Variants in FAM107B observed in about 807,000 individuals in gnomAD.
FAM107B encodes family with sequence similarity 107 member B, also known as protein FAM107B.
FAM107B carries 21 observed loss-of-function variants against 31.5 expected under a neutral mutation model. That is an observed-to-expected ratio of 0.67 (90% CI 0.47 to 0.96). The LOEUF (loss-of-function observed/expected upper bound fraction) is 0.96. Among genes scored for constraint, FAM107B ranks in the 40% least tolerant of loss-of-function variants. The pLI, the probability that FAM107B is intolerant of heterozygous loss-of-function variation, is 0.00. For missense variants in FAM107B, 452 were observed against 377.1 expected (o/e 1.20, Z -1.64); for synonymous variants, 157 against 141.5 (o/e 1.11, Z -0.78).
chr10:14,706,071 T>C (rs12782386), intron 1 of FAM107B, among the ~76,000 whole-genome samples: 46,905 of 151,990 alleles, frequency 0.31, 7,482 homozygotes, highest in Middle Eastern at 0.45. Flanking sequence ...ACTACAACTC[T>C]GTTGAACAGA....
chr10:14,618,178 G>T (rs1225221488), intron 2 of FAM107B, among the ~76,000 whole-genome samples: 1 of 152,162 alleles, frequency 6.6e-6, no homozygotes, highest in Non-Finnish European at 1.5e-5. Context: ...GTCTCCTTCA[G>T]GGCTGCTTTC....
intron 1 of FAM107B, among the ~76,000 whole-genome samples, chr10:14,728,848 G>A (rs1039662407): frequency 1.3e-5 from 2 of 152,188 alleles, no homozygotes; most frequent in African/African-American, 4.8e-5. Context: ...TTTTTGACAA[G>A]AGTAGGCTTT....
intron 2 of FAM107B, among the ~76,000 whole-genome samples, chr10:14,562,347 T>G (rs771494163): frequency 5.9e-5 from 9 of 152,216 alleles, no homozygotes; most frequent in Admixed American, 1.3e-4. Context: ...TTCTAAACCC[T>G]GAGAGTCACT....
intron 1 of FAM107B, among the ~76,000 whole-genome samples, chr10:14,759,992 G>T (rs1190305350): frequency 6.6e-6 from 1 of 152,108 alleles, no homozygotes; most frequent in Non-Finnish European, 1.5e-5. Context: ...GATTACAGGC[G>T]TGAGCCACCG....
chr10:14,655,189 A>T (rs1193617668), intron 2 of FAM107B, among the ~76,000 whole-genome samples: 1 of 152,172 alleles, frequency 6.6e-6, no homozygotes, highest in Non-Finnish European at 1.5e-5. Context: ...CAATCCATCA[A>T]GATTGACACT....
chr10:14,703,171 C>G (rs938465453), intron 1 of FAM107B, among the ~76,000 whole-genome samples: 1 of 152,102 alleles, frequency 6.6e-6, no homozygotes, highest in African/African-American at 2.4e-5. Flanking sequence ...GTGGCTCTCC[C>G]CATGTGCGTG....
chr10:14,575,148 G>C (rs1038629704), intron 2 of FAM107B, among the ~76,000 whole-genome samples: 1 of 152,122 alleles, frequency 6.6e-6, no homozygotes, highest in Non-Finnish European at 1.5e-5. Flanking sequence ...AGAATTTCTA[G>C]TTTAAGTAGC....
At chr10:14,637,462 T>C (rs752111510) in intron 2 of FAM107B, among the ~76,000 whole-genome samples, 1 of 152,100 alleles carries the variant, frequency 6.6e-6, no homozygotes, top group Non-Finnish European at 1.5e-5. Context: ...TGGCAAAACT[T>C]ATCCCTACAA....
chr10:14,677,480 G>T (rs1854712767), intron 1 of FAM107B, among the ~76,000 whole-genome samples: 1 of 152,122 alleles, frequency 6.6e-6, no homozygotes, highest in Non-Finnish European at 1.5e-5. Context: ...AATTAGCCGG[G>T]CGTGGTGGTG....
At chr10:14,571,674 G>C (rs11259197) in intron 2 of FAM107B, 441,340 of 650,878 alleles carry the variant, frequency 0.68, 150,592 homozygotes, top group East Asian at 0.79. Flanking sequence ...GTCTGCTATT[G>C]TGTTAACAAG....
intron 2 of FAM107B, among the ~76,000 whole-genome samples, chr10:14,622,898 A>G (rs1464027590): frequency 6.6e-6 from 1 of 152,190 alleles, no homozygotes; most frequent in East Asian, 1.9e-4. Context: ...TTCCTGTAGA[A>G]ATCACCACAC....
At chr10:14,641,254 G>A (rs908422603) in intron 2 of FAM107B, among the ~76,000 whole-genome samples, 9 of 152,124 alleles carry the variant, frequency 5.9e-5, no homozygotes, top group South Asian at 2.1e-4. Context: ...ATTAAGTACC[G>A]ATTTTGACAG....
intron 2 of FAM107B, among the ~76,000 whole-genome samples, chr10:14,653,528 T>C (rs191420389): frequency 1.4e-4 from 22 of 152,308 alleles, no homozygotes; most frequent in African/African-American, 4.1e-4. Flanking sequence ...GAAAAGCCCA[T>C]GGTTCGGGAA....
chr10:14,626,217 T>G (rs1285323877), intron 2 of FAM107B, among the ~76,000 whole-genome samples: 2 of 152,078 alleles, frequency 1.3e-5, no homozygotes, highest in Non-Finnish European at 2.9e-5. Context: ...TACAGAGGAC[T>G]CTCTTCATAT....
intron 4 of FAM107B, 145 bp from the exon 5 acceptor site, chr10:14,521,451 G>C: frequency 1.4e-6 from 1 of 691,368 alleles, no homozygotes; most frequent in Non-Finnish European, 2.4e-6. Context: ...GAAATGGATG[G>C]ATAGAGTCTG....
chr10:14,632,373 A>G (rs1443401638), intron 2 of FAM107B, among the ~76,000 whole-genome samples: 10 of 148,604 alleles, frequency 6.7e-5, no homozygotes, highest in African/African-American at 2.5e-4. Flanking sequence ...GCACTTTGGG[A>G]GGCCAAGGTG....
intron 1 of FAM107B, among the ~76,000 whole-genome samples, chr10:14,765,478 C>T (rs999714173): frequency 1.3e-5 from 2 of 152,158 alleles, no homozygotes; most frequent in African/African-American, 4.8e-5. Context: ...AAATTCTTGA[C>T]TGGGTATATC....
At chr10:14,762,136 T>C (rs9988705) in intron 1 of FAM107B, among the ~76,000 whole-genome samples, 2 of 151,448 alleles carry the variant, frequency 1.3e-5, no homozygotes, top group African/African-American at 2.5e-5. Context: ...TCTGCCGCCA[T>C]CCCTAGATTG....
chr10:14,732,450 C>T lies in FAM107B; in HGVS notation c.411+41803G>A, dbSNP rs568882235. ...TACTAGAAGCCATTTCATTTCCTGGCTCCCCAGTAAGTGGCCTTATCTTCA... is the reference window on the plus strand; with the variant it reads ...TACTAGAAGCCATTTCATTTCCTGGTTCCCCAGTAAGTGGCCTTATCTTCA... On this transcript the variant is annotated intron_variant, in intron 1 of 4. Coordinates refer to ENST00000181796, the MANE Select transcript of FAM107B (RefSeq NM_031453.4). Among the ~76,000 whole-genome samples the T allele has an allele frequency of 8.5e-5, 13 of 152,296 alleles. No homozygotes were observed. The South Asian group carries it at 2.3e-3, about 27-fold the overall frequency.
Sources: allele counts gnomAD v4.1 joint callset (sites outside exome capture counted in the v4.1 genomes callset), GRCh38; gene constraint gnomAD v4.1.1; transcripts MANE v1.5; gene names NCBI Gene and HGNC (gene_info 2026-07-23, HGNC 2026-07-21).